GTF2H1: variants seen among roughly 807,000 people sequenced by gnomAD.
GTF2H1 encodes the protein general transcription factor IIH subunit 1, also known as BTF2 p62.
A neutral mutation model predicts 71.2 loss-of-function variants in GTF2H1; 16 were observed. That is an observed-to-expected ratio of 0.22 (90% CI 0.15 to 0.34). The LOEUF is 0.34. Among genes scored for constraint, GTF2H1 ranks in the 10% least tolerant of loss-of-function variants. The pLI is 1.00. For synonymous variants in GTF2H1, 215 were observed against 219.0 expected (o/e 0.98, Z 0.16); for missense variants, 498 against 648.2 (o/e 0.77, Z 2.52).
rs1865149010 is a variant in GTF2H1 at position 18,341,243 on chromosome 11, G to A, written c.608-18G>A. The A allele has an allele frequency of 1.3e-6, 2 of 1,596,798 alleles. No homozygotes were observed. The highest frequency in any genetic ancestry group is 2.1e-4 in the Middle Eastern group (1 of 4,660). On this transcript the variant is annotated intron_variant, in intron 5 of 14. Coordinates refer to ENST00000265963, the MANE Select transcript of GTF2H1 (RefSeq NM_005316.4). Reference sequence around the variant, plus strand: ...AATGGAAATTCAGTATATAATATTTGTGGGTTTTTTTCCACAGTAAAAATG... The same window carrying A: ...AATGGAAATTCAGTATATAATATTTATGGGTTTTTTTCCACAGTAAAAATG...
intron 1 of GTF2H1, among the ~76,000 whole-genome samples, chr11:18,328,371 G>C (rs1443991697): frequency 6.6e-6 from 1 of 151,622 alleles, no homozygotes; most frequent in South Asian, 2.1e-4. Context: ...AATTAGCCGG[G>C]CGTGGTGGCA....
chr11:18,326,157 A>G (rs902715679), intron 1 of GTF2H1: 1 of 152,338 alleles, frequency 6.6e-6, no homozygotes, highest in Middle Eastern at 3.4e-3. Context: ...ATGTTCGGTA[A>G]TTTATCTCAG....
chr11:18,332,037 G>A (rs1864911840), intron 1 of GTF2H1, among the ~76,000 whole-genome samples: 1 of 152,104 alleles, frequency 6.6e-6, no homozygotes, highest in South Asian at 2.1e-4. Context: ...TGTTGACAAG[G>A]CTGATCTCAA....
At chr11:18,337,452 A>G (rs1359322944) in intron 3 of GTF2H1, among the ~76,000 whole-genome samples, 2 of 149,298 alleles carry the variant, frequency 1.3e-5, no homozygotes, top group Admixed American at 6.7e-5. Context: ...CTCAAAAAAG[A>G]AAAAAAAAAC....
chr11:18,339,633 TC>T lies in GTF2H1; in HGVS notation c.585del (p.Ile196TyrfsTer8). 1 of 1,606,244 alleles carries T rather than the reference TC, an allele frequency of 6.2e-7. No individual in the cohort carries two copies. Among genetic ancestry groups the T allele is most frequent in the Non-Finnish European group, 8.5e-7 (1 of 1,172,850 alleles). ...RYNLTSDIIE[S>X]IFRTYPAVKM... is the part of the protein sequence containing the mutation. ...TAATTTAACTTCTGATATCATTGAGTCCATATTTAGGACCTATCCAGCAGGT... is the reference window on the plus strand; with the variant it reads ...TAATTTAACTTCTGATATCATTGAGTCATATTTAGGACCTATCCAGCAGGT... On this transcript the variant is annotated frameshift_variant, in exon 5 of 15. Coordinates refer to ENST00000265963, the MANE Select transcript of GTF2H1 (RefSeq NM_005316.4). LOFTEE classifies it high-confidence loss of function.
intron 9 of GTF2H1, among the ~76,000 whole-genome samples, chr11:18,349,186 T>C (rs1387195372): frequency 6.6e-6 from 1 of 152,208 alleles, no homozygotes; most frequent in Non-Finnish European, 1.5e-5. Context: ...TGAGCCACTG[T>C]GCCAGCCTAT....
intron 14 of GTF2H1, among the ~76,000 whole-genome samples, chr11:18,363,749 GATT>G (rs1181097545): frequency 6.6e-6 from 1 of 152,078 alleles, no homozygotes; most frequent in East Asian, 1.9e-4. Flanking sequence ...CTTCTCAATT[GATT>G]ATAACTGCTT....
rs1378974737 is a variant in GTF2H1, at chr11:18,352,334, A to G, written c.1148A>G (p.Tyr383Cys). 1 of 1,410,370 alleles carries G rather than the reference A, an allele frequency of 7.1e-7. No individual in the cohort carries two copies. The highest frequency in any genetic ancestry group is 1.0e-6 in the Non-Finnish European group (1 of 996,532). The allele number at this position is 1,410,370 out of a possible 1,614,324, so 87.4% of individuals were successfully genotyped here. The change falls in exon 11 of 15, where the codon TAT becomes TGT. Residue 383 changes from tyrosine (Y) to cysteine (C), a missense_variant. By Grantham distance (194) the Tyr-to-Cys change is radical. Coordinates refer to ENST00000265963, the MANE Select transcript of GTF2H1 (RefSeq NM_005316.4). ...ALNLKKSDRY[Y>C]HGPTPIQSLQ... ...TCTTCTGTGCTAACCTGCAGGTATT[A>G]TCATGGTCCAACTCCAATCCAGTCA...
At chr11:18,333,360 T>C in intron 2 of GTF2H1, 132 bp downstream of exon 2, 1 of 641,160 alleles carries the variant, frequency 1.6e-6, no homozygotes, top group African/African-American at 1.8e-5. Context: ...ATGGGGTCAC[T>C]GAATATATAC....
chr11:18,339,971 T>G (rs896035873), intron 5 of GTF2H1, among the ~76,000 whole-genome samples: 1 of 152,206 alleles, frequency 6.6e-6, no homozygotes. Flanking sequence ...ATAGATTCCT[T>G]GACCCCAGCC....
intron 7 of GTF2H1, among the ~76,000 whole-genome samples, chr11:18,344,401 C>G (rs1023123441): frequency 6.6e-5 from 10 of 151,942 alleles, no homozygotes; most frequent in Non-Finnish European, 1.3e-4. Flanking sequence ...GGTGGATCAC[C>G]TGAGGTCAGG....
At chr11:18,335,724 T>C (rs756157251) in intron 2 of GTF2H1, 30 bp from the exon 3 acceptor site, 5 of 1,542,352 alleles carry the variant, frequency 3.2e-6, no homozygotes, top group South Asian at 1.1e-5. Flanking sequence ...GTGAGTGTCA[T>C]CATCTAACTG....
chr11:18,363,602 A>G (rs745397308), intron 14 of GTF2H1, among the ~76,000 whole-genome samples: 1 of 152,162 alleles, frequency 6.6e-6, no homozygotes, highest in Admixed American at 6.5e-5. Context: ...CATCAGCAAG[A>G]TTTTTCATAT....
chr11:18,331,950 C>T (rs1009141909), intron 1 of GTF2H1, among the ~76,000 whole-genome samples: 8 of 152,220 alleles, frequency 5.3e-5, no homozygotes, highest in South Asian at 2.1e-4. Context: ...GCCTCAAACT[C>T]CTGGGCTCAA....
intron 1 of GTF2H1, among the ~76,000 whole-genome samples, chr11:18,328,233 A>T (rs1590179523): frequency 7.1e-6 from 1 of 141,276 alleles, no homozygotes; most frequent in Non-Finnish European, 1.5e-5. Flanking sequence ...ATATGGGGCC[A>T]GGCACTGTGG....
chr11:18,355,094 T>A (rs1865511700), intron 11 of GTF2H1, among the ~76,000 whole-genome samples: 1 of 150,374 alleles, frequency 6.7e-6, no homozygotes, highest in South Asian at 2.1e-4. Flanking sequence ...ACAGGCCGTT[T>A]TTTTCTTTTT....
intron 10 of GTF2H1, 147 bp from the exon 11 acceptor site, chr11:18,352,182 G>T: frequency 1.6e-6 from 1 of 636,978 alleles, no homozygotes; most frequent in Non-Finnish European, 2.8e-6. Context: ...TTGCCCTTAT[G>T]GGAATTAAAT....
At chr11:18,365,502 C>T (rs192320634) in intron 14 of GTF2H1, among the ~76,000 whole-genome samples, 2 of 152,290 alleles carry the variant, frequency 1.3e-5, no homozygotes, top group Admixed American at 1.3e-4. Flanking sequence ...GGAATTGAGG[C>T]CTGGAGCACA....
At chr11:18,351,595 T>A (rs892425546) in intron 9 of GTF2H1, 7 of 216,228 alleles carry the variant, frequency 3.2e-5, no homozygotes, top group Non-Finnish European at 5.6e-5. Context: ...TAACAGATCA[T>A]TCATTTGGGG....
Sources: gnomAD v4.1 joint callset for allele counts (sites outside exome capture counted in the v4.1 genomes callset) on GRCh38, gnomAD v4.1.1 for gene constraint, MANE v1.5 for transcripts, NCBI Gene and HGNC (gene_info 2026-07-23, HGNC 2026-07-21) for gene names.